ANO3: variants seen among roughly 807,000 people sequenced by gnomAD.
ANO3 encodes the protein anoctamin-3.
In ANO3, 99 loss-of-function variants were observed where a neutral mutation model predicts 144.8. That is an observed-to-expected ratio of 0.68 (90% confidence interval 0.58 to 0.81). The LOEUF (loss-of-function observed/expected upper bound fraction) is 0.81. ANO3 is among the 30% of genes least tolerant of loss of function. The probability of loss-of-function intolerance (pLI) is 0.00; values close to 1 mark genes in which losing one functional copy is unlikely to be tolerated. For missense variants in ANO3, 905 were observed against 1,202.2 expected, an observed-to-expected ratio of 0.75 and a Z score of 3.66; for synonymous variants, 414 against 392.6, an observed-to-expected ratio of 1.05 and a Z score of -0.64.
intron 1 of ANO3, among the ~76,000 whole-genome samples, chr11:26,353,500 T>A (rs1426353783): frequency 6.6e-6 from 1 of 152,224 alleles, no homozygotes; most frequent in Admixed American, 6.5e-5. Flanking sequence ...TTTTTCAAAT[T>A]TCTTCAAGGC....
At chr11:26,642,118 C>G (rs2133060550) in intron 22 of ANO3, 89 bp downstream of exon 22, 1 of 1,448,038 alleles carries the variant, frequency 6.9e-7, no homozygotes, top group Non-Finnish European at 9.4e-7. Flanking sequence ...AGAAAATTAT[C>G]TCTTTCCTTT....
intron 1 of ANO3, among the ~76,000 whole-genome samples, chr11:26,358,585 A>G (rs1299356893): frequency 6.6e-6 from 1 of 151,946 alleles, no homozygotes; most frequent in African/African-American, 2.4e-5. Flanking sequence ...TATATTTTTT[A>G]CTTTTATAAT....
At chr11:26,315,700 TCTATCTATCTAC>T (rs1854610844) in intron 1 of ANO3, among the ~76,000 whole-genome samples, 1 of 150,856 alleles carries the variant, frequency 6.6e-6, no homozygotes, top group African/African-American at 2.4e-5. Context: ...TATCTATCTA[TCTATCTATCTAC>T]CTACCTACCT....
At chr11:26,346,051 T>A (rs1220549615) in intron 1 of ANO3, among the ~76,000 whole-genome samples, 1 of 152,218 alleles carries the variant, frequency 6.6e-6, no homozygotes, top group Non-Finnish European at 1.5e-5. Context: ...ATGTGCTGGC[T>A]ATTGTGCACA....
At chr11:26,309,636 C>T (rs1397636907) in exon 1 of ANO3, 18 of 984,908 alleles carry the variant, frequency 1.8e-5, no homozygotes, top group East Asian at 1.1e-4. Flanking sequence ...CTTTTGTTCT[C>T]TCTCACAGGT....
At chr11:26,458,711 G>T (rs1859258380) in intron 3 of ANO3, among the ~76,000 whole-genome samples, 1 of 152,056 alleles carries the variant, frequency 6.6e-6, no homozygotes, top group Non-Finnish European at 1.5e-5. Context: ...ATTACTAAGA[G>T]ATTACAATGC....
At chr11:26,312,753 T>C (rs1854530208) in intron 1 of ANO3, among the ~76,000 whole-genome samples, 1 of 152,224 alleles carries the variant, frequency 6.6e-6, no homozygotes, top group Non-Finnish European at 1.5e-5. Context: ...CTTTGTCAGA[T>C]AGGTAGATTG....
upstream of ANO3, chr11:26,331,345 T>A (rs1564968248): frequency 6.6e-6 from 1 of 152,168 alleles, no homozygotes; most frequent in Non-Finnish European, 1.5e-5. Flanking sequence ...ATGGTGAAGA[T>A]ATAAATAAAT....
intron 11 of ANO3, among the ~76,000 whole-genome samples, chr11:26,542,518 G>A (rs1032809303): frequency 1.5e-4 from 23 of 151,600 alleles, no homozygotes; most frequent in Non-Finnish European, 3.2e-4. Flanking sequence ...TTAACCAGAA[G>A]TAATTTAGAG....
intron 20 of ANO3, among the ~76,000 whole-genome samples, chr11:26,635,358 T>C (rs1398046787): frequency 2.0e-5 from 3 of 152,142 alleles, no homozygotes; most frequent in African/African-American, 7.2e-5. Flanking sequence ...TAAATTATTA[T>C]TATTCATTAG....
chr11:26,248,294 C>A (rs1044993198), intron 1 of ANO3, among the ~76,000 whole-genome samples: 3 of 151,818 alleles, frequency 2.0e-5, no homozygotes, highest in African/African-American at 7.3e-5. Context: ...GCCCAGATCG[C>A]GCCACTGCAC....
At chr11:26,442,156 C>T (rs563510108) in intron 2 of ANO3, 44 bp downstream of exon 2, 14 of 1,572,590 alleles carry the variant, frequency 8.9e-6, no homozygotes, top group Non-Finnish European at 1.2e-5. Context: ...ATAAAAACTA[C>T]GTGTTTTCCA....
At chr11:26,197,843 T>G (rs573212515) in intron 1 of ANO3, among the ~76,000 whole-genome samples, 1 of 152,292 alleles carries the variant, frequency 6.6e-6, no homozygotes, top group South Asian at 2.1e-4. Context: ...ACATTAGGCT[T>G]CTTTTCCCTA....
intron 1 of ANO3, among the ~76,000 whole-genome samples, chr11:26,210,953 C>T (rs1313694867): frequency 6.6e-6 from 1 of 152,002 alleles, no homozygotes; most frequent in African/African-American, 2.4e-5. Context: ...ATCAACAAGA[C>T]AGAAAATTAA....
intron 14 of ANO3, among the ~76,000 whole-genome samples, chr11:26,595,417 A>G (rs1215429135): frequency 7.2e-6 from 1 of 138,918 alleles, no homozygotes; most frequent in African/African-American, 2.7e-5. Flanking sequence ...TTCGTTTTGG[A>G]GAGGGTGTAG....
chr11:26,630,510 AC>A (rs1263743907), intron 18 of ANO3, among the ~76,000 whole-genome samples: 6 of 152,206 alleles, frequency 3.9e-5, no homozygotes, highest in African/African-American at 1.2e-4. Context: ...GGATATCCAA[AC>A]TATCCAAACA....
At chr11:26,565,637 AGG>A (rs1363057659) in intron 14 of ANO3, 1 of 1,613,294 alleles carries the variant, frequency 6.2e-7, no homozygotes, top group African/African-American at 1.3e-5. Flanking sequence ...GTAGATTCAA[AGG>A]AGGGGAATGA....
chr11:26,537,843 A>G (rs1213828213), intron 10 of ANO3, among the ~76,000 whole-genome samples: 1 of 152,194 alleles, frequency 6.6e-6, no homozygotes, highest in African/African-American at 2.4e-5. Flanking sequence ...ACAAAAACCT[A>G]TAGCCAATTA....
intron 18 of ANO3, among the ~76,000 whole-genome samples, chr11:26,625,083 G>A (rs1290678372): frequency 6.6e-6 from 1 of 151,922 alleles, no homozygotes; most frequent in Non-Finnish European, 1.5e-5. Context: ...CTGCCACCAC[G>A]TCCGGCTCAT....
Sources: allele counts gnomAD v4.1 joint callset (sites outside exome capture counted in the v4.1 genomes callset), GRCh38; gene constraint gnomAD v4.1.1; transcripts MANE v1.5; gene names NCBI Gene and HGNC (gene_info 2026-07-23, HGNC 2026-07-21).